CEP250: variants seen among roughly 807,000 people sequenced by gnomAD.
CEP250 encodes the protein centrosome-associated protein CEP250.
A neutral mutation model predicts 315.7 loss-of-function variants in CEP250; 242 were observed. That is an observed-to-expected ratio of 0.77 (90% CI 0.69 to 0.85). The LOEUF (loss-of-function observed/expected upper bound fraction) is 0.85. CEP250 is among the 40% of genes least tolerant of loss of function. CEP250 has a pLI of 0.00. For missense variants in CEP250, 2,515 were observed against 2,886.4 expected, an observed-to-expected ratio of 0.87 and a Z score of 2.95; for synonymous variants, 1,088 against 1,175.0, an observed-to-expected ratio of 0.93 and a Z score of 1.51.
chr20:35,486,933 A>C (rs1283716722), intron 20 of CEP250, among the ~76,000 whole-genome samples: 1 of 152,232 alleles, frequency 6.6e-6, no homozygotes, highest in Non-Finnish European at 1.5e-5. Flanking sequence ...TCTGAATGAT[A>C]AGCCAGCTAC....
intron 28 of CEP250, among the ~76,000 whole-genome samples, chr20:35,500,766 G>A (rs2063981340): frequency 6.6e-6 from 1 of 152,204 alleles, no homozygotes; most frequent in Non-Finnish European, 1.5e-5. Context: ...CTTCCAAAGG[G>A]GTGCTGACCA....
chr20:35,489,620 C>A (rs1027942589), intron 20 of CEP250, among the ~76,000 whole-genome samples: 4 of 152,232 alleles, frequency 2.6e-5, no homozygotes, highest in African/African-American at 9.6e-5. Context: ...GAGCCCTTCA[C>A]CTCTATCCTG....
chr20:35,508,665 C>G (rs1033385940), intron 32 of CEP250, among the ~76,000 whole-genome samples: 2 of 152,214 alleles, frequency 1.3e-5, no homozygotes, highest in Non-Finnish European at 2.9e-5. Context: ...TGGCTGCTTC[C>G]CTGCTATGCC....
rs116711353 is a variant in CEP250 at position 35,477,945 on chromosome 20, C to T, written c.1938C>T (p.Asp646=). The T allele has an allele frequency of 3.7e-6, 6 of 1,611,432 alleles. No individual in the cohort carries two copies. In the East Asian group the frequency reaches 8.9e-5, roughly 24 times the overall value. The change falls in exon 17 of 35, where the codon GAC becomes GAT. Residue 646 remains aspartate (D), a synonymous_variant. Coordinates refer to ENST00000397527, the MANE Select transcript of CEP250 (RefSeq NM_007186.6). ...AGGCGAGAAATGCTTTGCAGGTCGA[C>T]CTGGCGGAGGCAGAGAAGAGGAGGG... The part of the protein sequence containing the change: ...AEQARNALQV[D]LAEAEKRREA...
Position 35,505,023 on chromosome 20 carries a change from G to T in CEP250, c.6636+18G>T, listed in dbSNP as rs761596901. The T allele has an allele frequency of 4.4e-6, 7 of 1,577,648 alleles. No individual in the cohort carries two copies. Among genetic ancestry groups the T allele is most frequent in the Non-Finnish European group, 6.0e-6 (7 of 1,159,718 alleles). ...GGCTGCAGGTAAGTCACTCCATGGG[G>T]AGTAAGGGCCAGGGGACACACCCCT... is the stretch of plus-strand genomic sequence containing the variant. On this transcript the variant is annotated intron_variant, in intron 30 of 34. Coordinates refer to ENST00000397527, the MANE Select transcript of CEP250 (RefSeq NM_007186.6).
rs370016988 is a variant in CEP250, at chr20:35,502,444, C to T, written c.4075C>T (p.His1359Tyr). The T allele has an allele frequency of 2.5e-6, 4 of 1,613,990 alleles. No homozygotes were observed. Among genetic ancestry groups the T allele is most frequent in the Non-Finnish European group, 3.4e-6 (4 of 1,180,018 alleles). Residue 1359 changes from histidine to tyrosine, a missense_variant, in exon 30 of 35, where the codon CAC (histidine) becomes TAC (tyrosine). Physicochemically the swap from His to Tyr is moderately conservative, Grantham distance 83. Coordinates refer to ENST00000397527, the MANE Select transcript of CEP250 (RefSeq NM_007186.6). ...AKENLTAQVE[H>Y]LQAAVVEARA... ...GGAGAACCTGACAGCCCAGGTGGAA[C>T]ACCTGCAAGCAGCTGTCGTAGAAGC...
chr20:35,481,618 A>ATTTTTTTTTTT (rs199864664), intron 20 of CEP250, among the ~76,000 whole-genome samples: 2 of 123,644 alleles, frequency 1.6e-5, no homozygotes, highest in Non-Finnish European at 1.8e-5. Context: ...TTCTATTCAG[A>ATTTTTTTTTTT]TTTTTTTTTT....
At chr20:35,485,751 C>T (rs998103292) in intron 20 of CEP250, among the ~76,000 whole-genome samples, 9 of 143,154 alleles carry the variant, frequency 6.3e-5, no homozygotes, top group East Asian at 2.2e-4. Flanking sequence ...CTCTACCTCA[C>T]GGGCTCAAGT....
intron 20 of CEP250, among the ~76,000 whole-genome samples, chr20:35,484,548 C>T (rs1054286403): frequency 1.6e-4 from 24 of 152,120 alleles, no homozygotes; most frequent in South Asian, 6.2e-4. Context: ...CTCCCTTCCT[C>T]CCCATGTCCT....
At chr20:35,456,904 C>T (rs137914589) in intron 1 of CEP250, among the ~76,000 whole-genome samples, 1 of 151,814 alleles carries the variant, frequency 6.6e-6, no homozygotes, top group Non-Finnish European at 1.5e-5. Context: ...GCCTCAGCCT[C>T]CTGAGTAGCT....
In CEP250 at chr20:35,504,901, C is replaced by T. The variant is rs369913865; in HGVS notation, c.6532C>T (p.Leu2178Phe). Residue 2178 changes from leucine (L) to phenylalanine (F), a missense_variant, in exon 30 of 35, where the codon CTC (leucine) becomes TTC (phenylalanine). By Grantham distance (22) the Leu-to-Phe change is conservative. Transcript: ENST00000397527. ...GAGGGAGAAGGCCCAGGACTTGGCA[C>T]TCTCCCTAGCGCAGACCAAGGCCAG... ...EWREKAQDLA[L>F]SLAQTKASVS... The T allele has an allele frequency of 6.8e-5, 110 of 1,614,086 alleles. No individual in the cohort carries two copies. In the Middle Eastern group the frequency reaches 2.0e-3, roughly 29 times the overall value.
intron 15 of CEP250, 35 bp from the exon 16 acceptor site, chr20:35,476,414 A>C: frequency 6.3e-7 from 1 of 1,595,098 alleles, no homozygotes; most frequent in South Asian, 1.1e-5. Flanking sequence ...GGAAAATTGG[A>C]AATATGAAAC....
intron 9 of CEP250, 104 bp from the exon 10 acceptor site, chr20:35,469,786 G>C: frequency 1.6e-6 from 1 of 626,586 alleles, no homozygotes; most frequent in Admixed American, 3.2e-5. Context: ...GGAGGCTGCA[G>C]TTGGGAGTGG....
intron 5 of CEP250, among the ~76,000 whole-genome samples, chr20:35,464,160 T>G (rs1253101337): frequency 6.6e-6 from 1 of 152,170 alleles, no homozygotes; most frequent in Non-Finnish European, 1.5e-5. Flanking sequence ...CTCCCCAACT[T>G]AGGATGGTTG....
chr20:35,459,811 T>A (rs1256096953), intron 2 of CEP250, among the ~76,000 whole-genome samples, 172 bp from the exon 3 acceptor site: 1 of 151,998 alleles, frequency 6.6e-6, no homozygotes, highest in Non-Finnish European at 1.5e-5. Context: ...ATATTAGCAA[T>A]TTCATATGGT....
intron 3 of CEP250, 51 bp from the exon 4 acceptor site, chr20:35,462,214 G>A (rs2062772253): frequency 1.7e-6 from 1 of 596,140 alleles, no homozygotes; most frequent in Non-Finnish European, 3.0e-6. Context: ...GGAGTCTTGT[G>A]TGTAGTAAAA....
In CEP250 at chr20:35,491,353, A is replaced by C. The variant is rs760416023; in HGVS notation, c.2889+7A>C. The C allele has an allele frequency of 1.1e-5, 17 of 1,582,632 alleles. No individual in the cohort carries two copies. The highest frequency in any genetic ancestry group is 8.6e-6 in the Non-Finnish European group (10 of 1,164,096). On this transcript the variant is annotated splice_region_variant and intron_variant, in intron 22 of 34. Transcript: ENST00000397527. ...CCAGAAATTAAAGGAGCAGGTATGG[A>C]GGGTGGTCTCGGGAGTAGGGGAGAA...
In CEP250 at chr20:35,511,892, C is replaced by T; in HGVS notation, c.*266C>T. 1 of 1,270,760 alleles carries T rather than the reference C, an allele frequency of 7.9e-7. No homozygotes were observed. Among genetic ancestry groups the T allele is most frequent in the Non-Finnish European group, 9.9e-7 (1 of 1,008,934 alleles). The allele number at this position is 1,270,760 out of a possible 1,614,324, so 78.7% of individuals were successfully genotyped here. ...CCTGGCTGAGGGACATGTACTGCCTCTCATCTAGAATTTATTTTCCTAGCA... is the reference window on the plus strand; with the variant it reads ...CCTGGCTGAGGGACATGTACTGCCTTTCATCTAGAATTTATTTTCCTAGCA... On this transcript the variant is annotated 3_prime_UTR_variant, in exon 35 of 35. Coordinates refer to ENST00000397527, the MANE Select transcript of CEP250 (RefSeq NM_007186.6).
chr20:35,489,338 C>T lies in CEP250; in HGVS notation c.2587-1299C>T, dbSNP rs542626181. On this transcript the variant is annotated intron_variant, in intron 20 of 34. Transcript: ENST00000397527. ...GCGTTCCCATTACATGAATAAGCAACGACAAACTTACAAGCATTTTAAAGG... is the reference window on the plus strand; with the variant it reads ...GCGTTCCCATTACATGAATAAGCAATGACAAACTTACAAGCATTTTAAAGG... 5.6e-4 allele frequency among the ~76,000 whole-genome samples: 85 copies of T among 152,246 alleles called. 1 individual carries two copies. The highest frequency in any genetic ancestry group is 7.6e-4 in the Non-Finnish European group (52 of 68,032).
Sources: allele counts gnomAD v4.1 joint callset (sites outside exome capture counted in the v4.1 genomes callset), GRCh38; gene constraint gnomAD v4.1.1; transcripts MANE v1.5; gene names NCBI Gene and HGNC (gene_info 2026-07-23, HGNC 2026-07-21).